The following LINGO2 variants were observed in gnomAD, a reference collection of about 807,000 sequenced individuals.
The protein encoded by LINGO2 is leucine rich repeat and Ig domain containing 2, also known as leucine-rich repeat and immunoglobulin-like domain-containing nogo receptor-interacting protein 2.
A neutral mutation model predicts 30.6 loss-of-function variants in LINGO2; 14 were observed. The ratio of observed to expected loss-of-function variants is 0.46; its 90% CI spans 0.30 to 0.72. LINGO2 has a LOEUF of 0.72. Among genes scored for constraint, LINGO2 ranks in the 30% least tolerant of loss-of-function variants. The pLI is 0.07. For synonymous variants in LINGO2, 317 were observed against 288.5 expected (o/e 1.10, Z -1.00); for missense variants, 729 against 751.7 (o/e 0.97, Z 0.35).
intron 4 of LINGO2, among the ~76,000 whole-genome samples, chr9:28,031,569 T>C (rs947582879): frequency 6.6e-6 from 1 of 152,228 alleles, no homozygotes; most frequent in Admixed American, 6.5e-5. Flanking sequence ...CTGTGTGACC[T>C]TAGCTACTTC....
Position 28,039,433 on chromosome 9 carries a change from G to T in LINGO2, c.-86-27028C>A, listed in dbSNP as rs1320469481. 2.0e-5 allele frequency among the ~76,000 whole-genome samples: 3 copies of T among 152,084 alleles called. No individual in the cohort carries two copies. The South Asian group carries it at 6.2e-4, about 32-fold the overall frequency. ...CTAAAAGAGGCGCAACTAACAGTGGGAAGACAAGAGGGAAAAAATAAAGCT... is the reference window on the plus strand; with the variant it reads ...CTAAAAGAGGCGCAACTAACAGTGGTAAGACAAGAGGGAAAAAATAAAGCT... On this transcript the variant is annotated intron_variant, in intron 4 of 5. Transcript: ENST00000379992.
the LINGO2 span, among the ~76,000 whole-genome samples, chr9:29,074,308 G>T: frequency 6.6e-6 from 1 of 151,922 alleles, no homozygotes; most frequent in Non-Finnish European, 1.5e-5. Flanking sequence ...CTTATCTATT[G>T]ATATAACATA....
the LINGO2 span, among the ~76,000 whole-genome samples, chr9:28,769,638 C>T: frequency 3.4e-5 from 5 of 145,788 alleles, no homozygotes. Flanking sequence ...CTCAGGTTCA[C>T]AGTATACTCT....
At chr9:28,529,563 A>G (rs1364778291) in intron 1 of LINGO2, among the ~76,000 whole-genome samples, 1 of 150,374 alleles carries the variant, frequency 6.7e-6, no homozygotes, top group South Asian at 2.1e-4. Context: ...TAACTAAACT[A>G]TTCCTTCAGG....
At chr9:28,091,829 A>G (rs906484099) in intron 4 of LINGO2, among the ~76,000 whole-genome samples, 1 of 152,202 alleles carries the variant, frequency 6.6e-6, no homozygotes, top group Non-Finnish European at 1.5e-5. Flanking sequence ...TCCAGAATCT[A>G]CAAAGAACTC....
chr9:28,664,609 A>G (rs557763239), intron 1 of LINGO2, among the ~76,000 whole-genome samples: 1 of 152,244 alleles, frequency 6.6e-6, no homozygotes, highest in South Asian at 2.1e-4. Context: ...TTTGAAAGGA[A>G]AAGAGAGAAA....
chr9:28,699,834 C>G, the LINGO2 span, among the ~76,000 whole-genome samples: 2 of 151,900 alleles, frequency 1.3e-5, no homozygotes, highest in South Asian at 4.2e-4. Context: ...CCCTGGTCTC[C>G]TGCAGTACCC....
chr9:28,396,260 C>A (rs1418123815), intron 2 of LINGO2, among the ~76,000 whole-genome samples: 1 of 152,078 alleles, frequency 6.6e-6, no homozygotes, highest in Non-Finnish European at 1.5e-5. Context: ...GTTACAAGTG[C>A]TATGAATCAT....
At chr9:28,429,148 A>C (rs1337992464) in intron 2 of LINGO2, among the ~76,000 whole-genome samples, 2 of 152,218 alleles carry the variant, frequency 1.3e-5, no homozygotes, top group African/African-American at 4.8e-5. Flanking sequence ...TGCTTAGCAC[A>C]TTTATCTGTT....
intron 4 of LINGO2, among the ~76,000 whole-genome samples, chr9:28,159,753 T>A (rs72726908): frequency 0.076 from 11,553 of 152,310 alleles, 600 homozygotes; most frequent in Middle Eastern, 0.14. Flanking sequence ...AATGGCATGT[T>A]TTCTGTTTTA....
the LINGO2 span, among the ~76,000 whole-genome samples, chr9:28,899,949 A>G: frequency 2.0e-5 from 3 of 152,138 alleles, no homozygotes; most frequent in Non-Finnish European, 4.4e-5. Flanking sequence ...TTGGTCCCCA[A>G]TGAAACAGAC....
At chr9:28,492,388 G>A (rs919270189) in intron 1 of LINGO2, among the ~76,000 whole-genome samples, 3 of 152,116 alleles carry the variant, frequency 2.0e-5, no homozygotes, top group South Asian at 4.1e-4. Flanking sequence ...AGCCTGTAGC[G>A]AATTTTTAGG....
intron 5 of LINGO2, among the ~76,000 whole-genome samples, chr9:28,010,285 A>G (rs1219398704): frequency 1.3e-5 from 2 of 152,194 alleles, no homozygotes; most frequent in Admixed American, 1.3e-4. Flanking sequence ...ACAAAATTTA[A>G]GTATAACTGA....
chr9:28,814,076 T>C, the LINGO2 span, among the ~76,000 whole-genome samples: 1 of 152,164 alleles, frequency 6.6e-6, no homozygotes, highest in Admixed American at 6.5e-5. Flanking sequence ...AAAGCACTCT[T>C]CACAAGCCTA....
Position 28,281,664 on chromosome 9 carries a change from A to T in LINGO2, c.-87+13544T>A, listed in dbSNP as rs185770520. On this transcript the variant is annotated intron_variant, in intron 4 of 5. Coordinates refer to ENST00000379992, the Ensembl canonical transcript of LINGO2. The stretch of plus-strand genomic sequence containing the variant: ...TTATATAGTCTAGTGGGGAAGAGAA[A>T]TAGAGATGTGGATAGCAGCTCATAC... 3.6e-3 allele frequency among the ~76,000 whole-genome samples: 543 copies of T among 152,214 alleles called. 5 individuals are homozygous for T. The highest frequency in any genetic ancestry group is 0.012 in the African/African-American group (501 of 41,568).
chr9:28,972,700 G>C, the LINGO2 span, among the ~76,000 whole-genome samples: 2 of 152,160 alleles, frequency 1.3e-5, no homozygotes, highest in African/African-American at 4.8e-5. Flanking sequence ...GAGGTTTAAT[G>C]ACCCACAGTT....
chr9:29,004,978 T>C, the LINGO2 span, among the ~76,000 whole-genome samples: 3 of 151,978 alleles, frequency 2.0e-5, no homozygotes, highest in African/African-American at 7.2e-5. Context: ...TGAGTTAATA[T>C]AGCTATTGTA....
At chr9:28,277,837 C>CAAAAAAAAAAAA (rs765748438) in intron 4 of LINGO2, among the ~76,000 whole-genome samples, 2 of 108,002 alleles carry the variant, frequency 1.9e-5, no homozygotes, top group African/African-American at 3.5e-5. Flanking sequence ...CAAAACAAAA[C>CAAAAAAAAAAAA]AAAAAAAAAA....
At chr9:28,923,115 T>A in the LINGO2 span, among the ~76,000 whole-genome samples, 2 of 152,160 alleles carry the variant, frequency 1.3e-5, no homozygotes, top group Non-Finnish European at 2.9e-5. Flanking sequence ...CCCAAAGTAT[T>A]TTGTGGGATC....
Sources: gnomAD v4.1 joint callset for allele counts (sites outside exome capture counted in the v4.1 genomes callset) on GRCh38, gnomAD v4.1.1 for gene constraint, MANE v1.5 for transcripts, NCBI Gene and HGNC (gene_info 2026-07-23, HGNC 2026-07-21) for gene names.